The following GRK2 variants were observed in gnomAD, a reference collection of about 807,000 sequenced individuals.
GRK2 encodes G protein-coupled receptor kinase 2, also known as adrenergic beta receptor kinase 1.
In GRK2, 23 loss-of-function variants were observed where a neutral mutation model predicts 97.8. The observed-to-expected ratio is 0.24, with a 90% CI of 0.17 to 0.33. The LOEUF (loss-of-function observed/expected upper bound fraction) is 0.33, where lower values mean the gene tolerates loss of function less well. Ranked by LOEUF, GRK2 falls within the 10% of genes least tolerant of loss-of-function variation. GRK2 has a pLI of 1.00. For synonymous variants in GRK2, 425 were observed against 381.7 expected (o/e 1.11, Z -1.32); for missense variants, 633 against 956.9 (o/e 0.66, Z 4.47).
Position 67,285,534 on chromosome 11 carries a change from A to G in GRK2, c.*84A>G, listed in dbSNP as rs1590857117. 7.1e-7 allele frequency: 1 copy of G among 1,418,298 alleles called. No homozygotes were observed. The highest frequency in any genetic ancestry group is 1.5e-5 in the South Asian group (1 of 67,448). 87.9% of individuals were successfully genotyped at this position (1,418,298 alleles called of 1,614,324 possible). On this transcript the variant is annotated 3_prime_UTR_variant, in exon 21 of 21. Transcript: ENST00000308595. ...TTTCCCGCCAAGCGGAAAAGGTTTT[A>G]TTTTGTAATTATTGTGATTTCCCGT...
chr11:67,281,355 TCA>T lies in GRK2; in HGVS notation c.648-100_648-99del. The T allele has an allele frequency of 8.4e-7, 1 of 1,194,388 alleles. No individual in the cohort carries two copies. Among genetic ancestry groups the T allele is most frequent in the Non-Finnish European group, 1.2e-6 (1 of 821,946 alleles). The allele number at this position is 1,194,388 out of a possible 1,614,324, so 74.0% of individuals were successfully genotyped here. A position where few individuals can be genotyped will look rare whatever the true frequency, so the allele number is the denominator to read the frequency against. ...CAGCCCTCCCTGTCTCTGATTTGTG[TCA>T]CACGCTGGTCCTGGGTCTAGTCTTT... On this transcript the variant is annotated intron_variant, in intron 8 of 20. Coordinates refer to ENST00000308595, the MANE Select transcript of GRK2 (RefSeq NM_001619.5). This position sits in a 1 kb window ranked among gnomAD's most constrained non-coding sequence, Gnocchi z 5.7.
intron 3 of GRK2, 48 bp downstream of exon 3, chr11:67,279,321 A>G: frequency 6.2e-7 from 1 of 1,609,914 alleles, no homozygotes; most frequent in South Asian, 1.1e-5. Context: ...AAAGGGGAGG[A>G]GGTTGGGGCG....
rs1446453710 is a variant in GRK2, at chr11:67,282,927, C to T, written c.1227+109C>T. On this transcript the variant is annotated intron_variant, in intron 14 of 20. Coordinates refer to ENST00000308595, the MANE Select transcript of GRK2 (RefSeq NM_001619.5). The surrounding 1 kb of genome is among the most constrained non-coding windows in gnomAD (Gnocchi z 6.9). ...GCCAGCAGAGATCTGGGCCACTGAC[C>T]CCTACTCTGGCCTCTGAGACAGACC... The T allele has an allele frequency of 2.1e-5, 28 of 1,302,438 alleles. No individual in the cohort carries two copies. The highest frequency in any genetic ancestry group is 2.7e-5 in the Non-Finnish European group (25 of 933,862). 80.7% of individuals were successfully genotyped at this position (1,302,438 alleles called of 1,614,324 possible).
rs969269452 is a variant in GRK2 at position 67,282,154 on chromosome 11, T to A, written c.958-117T>A. 19 of 1,228,400 alleles carry A rather than the reference T, an allele frequency of 1.5e-5. No individual in the cohort carries two copies. The African/African-American group carries it at 2.4e-4, about 16-fold the overall frequency. 76.1% of individuals were successfully genotyped at this position (1,228,400 alleles called of 1,614,324 possible). On this transcript the variant is annotated intron_variant, in intron 11 of 20. Coordinates refer to ENST00000308595, the MANE Select transcript of GRK2 (RefSeq NM_001619.5). The surrounding 1 kb of genome is among the most constrained non-coding windows in gnomAD (Gnocchi z 6.9). ...GGACAGGAGAGAGGACCCCCACCTTTGCCCTTTCTTTGGGTACCCATCGTC... is the reference window on the plus strand; with the variant it reads ...GGACAGGAGAGAGGACCCCCACCTTAGCCCTTTCTTTGGGTACCCATCGTC...
At chr11:67,277,186 CCACAGTGCCCTCAG>C in intron 1 of GRK2, 72 bp from the exon 2 acceptor site, 2 of 1,342,880 alleles carry the variant, frequency 1.5e-6, no homozygotes, top group Non-Finnish European at 2.1e-6. Context: ...GGCGACACCA[CCACAGTGCCCTCAG>C]CTCGCGTTTC....
chr11:67,268,957 C>T (rs565793493), intron 1 of GRK2, among the ~76,000 whole-genome samples: 1 of 152,340 alleles, frequency 6.6e-6, no homozygotes, highest in East Asian at 1.9e-4. Context: ...CCGAGCCAGG[C>T]AGCCCAGGTT....
intron 1 of GRK2, among the ~76,000 whole-genome samples, chr11:67,268,192 C>T (rs979652634): frequency 6.6e-6 from 1 of 152,208 alleles, no homozygotes; most frequent in Non-Finnish European, 1.5e-5. Context: ...GTCCCTCAGC[C>T]TTTGAAGCAG....
In GRK2 at chr11:67,281,380, T is replaced by G; in HGVS notation, c.648-79T>G. 7.3e-7 allele frequency: 1 copy of G among 1,375,974 alleles called. No individual in the cohort carries two copies. The highest frequency in any genetic ancestry group is 1.0e-6 in the Non-Finnish European group (1 of 973,088). 85.2% of individuals were successfully genotyped at this position (1,375,974 alleles called of 1,614,324 possible). A position where few individuals can be genotyped will look rare whatever the true frequency, so the allele number is the denominator to read the frequency against. On this transcript the variant is annotated intron_variant, in intron 8 of 20. Coordinates refer to ENST00000308595, the MANE Select transcript of GRK2 (RefSeq NM_001619.5). This position sits in a 1 kb window ranked among gnomAD's most constrained non-coding sequence, Gnocchi z 5.7. Reference sequence around the variant, plus strand: ...TCACACGCTGGTCCTGGGTCTAGTCTTTCCCTCAAGCGCCCCCTGAGGCAG... The same window carrying G: ...TCACACGCTGGTCCTGGGTCTAGTCGTTCCCTCAAGCGCCCCCTGAGGCAG...
At chr11:67,284,618 C>T (rs1359317179) in intron 18 of GRK2, 2 of 724,142 alleles carry the variant, frequency 2.8e-6, no homozygotes, top group African/African-American at 3.6e-5. Context: ...AACCCTGTCT[C>T]TACCAAAAAA....
In GRK2 at chr11:67,279,653, G is replaced by A; in HGVS notation, c.394G>A (p.Val132Ile). The A allele has an allele frequency of 6.2e-7, 1 of 1,613,604 alleles. No individual in the cohort carries two copies. Among genetic ancestry groups the A allele is most frequent in the Non-Finnish European group, 8.5e-7 (1 of 1,180,000 alleles). ...CTTCTCGAAGAGTGCCACTGAGCAT[G>A]TCCAAGGCCACCTGGGGAAGAAGCA... ...HPFSKSATEH[V>I]QGHLGKKQVP... The change falls in exon 5 of 21, where the codon GTC becomes ATC. Residue 132 changes from valine to isoleucine, a missense_variant. Coordinates refer to ENST00000308595, the MANE Select transcript of GRK2 (RefSeq NM_001619.5).
rs539368367 is a variant in GRK2 at position 67,281,021 on chromosome 11, C to G, written c.556-72C>G. The G allele has an allele frequency of 1.3e-4, 174 of 1,385,872 alleles. No individual in the cohort carries two copies. The African/African-American group carries it at 2.3e-3, about 19-fold the overall frequency. 85.8% of individuals were successfully genotyped at this position (1,385,872 alleles called of 1,614,324 possible). On this transcript the variant is annotated intron_variant, in intron 7 of 20. Coordinates refer to ENST00000308595, the MANE Select transcript of GRK2 (RefSeq NM_001619.5). The surrounding 1 kb of genome is among the most constrained non-coding windows in gnomAD (Gnocchi z 5.7). ...GACCCTGGCATGGGGCCAGCCCCTG[C>G]TGCCCAGGTGCCTCTGCCCCAGGGC...
At position 67,281,583 on chromosome 11, in the gene GRK2, G is replaced by T. The variant is rs374189744; in HGVS notation, c.747+25G>T. On this transcript the variant is annotated intron_variant, in intron 9 of 20. Coordinates refer to ENST00000308595, the MANE Select transcript of GRK2 (RefSeq NM_001619.5). This position sits in a 1 kb window ranked among gnomAD's most constrained non-coding sequence, Gnocchi z 5.7. ...GGTGAGCTGGGTGGGCCGGGCTGCCGCTGAGGCTCTGGAACCCCGGGCGCC... is the reference window on the plus strand; with the variant it reads ...GGTGAGCTGGGTGGGCCGGGCTGCCTCTGAGGCTCTGGAACCCCGGGCGCC... 5 of 1,611,822 alleles carry T rather than the reference G, an allele frequency of 3.1e-6. No individual in the cohort carries two copies. The highest frequency in any genetic ancestry group is 3.4e-6 in the Non-Finnish European group (4 of 1,178,662).
Position 67,266,651 on chromosome 11 carries a change from AGCG to A in GRK2, c.-26_-24del, listed in dbSNP as rs759489796. ...CCGGGCCGAGCGCCGAGCGAGCAGGAGCGGCGGCGGCGGCGGCGGCGGCGGGAG... is the reference window on the plus strand; with the variant it reads ...CCGGGCCGAGCGCCGAGCGAGCAGGAGCGGCGGCGGCGGCGGCGGCGGGAG... On this transcript the variant is annotated 5_prime_UTR_variant, in exon 1 of 21. Transcript: ENST00000308595. The A allele has an allele frequency of 0.011, 8,870 of 837,886 alleles. No individual in the cohort carries two copies. Among genetic ancestry groups the A allele is most frequent in the South Asian group, 0.014 (288 of 20,668 alleles). 51.9% of individuals were successfully genotyped at this position (837,886 alleles called of 1,614,324 possible).
chr11:67,270,443 C>G (rs1859882509), intron 1 of GRK2, among the ~76,000 whole-genome samples: 1 of 152,076 alleles, frequency 6.6e-6, no homozygotes, highest in Non-Finnish European at 1.5e-5. Context: ...CCCTGTCTCC[C>G]CAGACCCTGC....
At chr11:67,285,042 T>C in intron 19 of GRK2, 33 bp from the exon 20 acceptor site, 1 of 1,612,530 alleles carries the variant, frequency 6.2e-7, no homozygotes, top group Non-Finnish European at 8.5e-7. Context: ...CCGGCCCGGC[T>C]CTTACCTGCA....
intron 1 of GRK2, among the ~76,000 whole-genome samples, chr11:67,273,831 C>A (rs2136492673): frequency 6.6e-6 from 1 of 152,210 alleles, no homozygotes; most frequent in African/African-American, 2.4e-5. Flanking sequence ...TGTTCCCAGG[C>A]CGGGGCTGAC....
rs2136487889 is a variant in GRK2, at chr11:67,269,322, C to G, written c.113+2510C>G. Among the ~76,000 whole-genome samples the G allele has an allele frequency of 6.6e-6, 1 of 152,344 alleles. No individual in the cohort carries two copies. Among genetic ancestry groups the G allele is most frequent in the South Asian group, 2.1e-4 (1 of 4,828 alleles). On this transcript the variant is annotated intron_variant, in intron 1 of 20. Coordinates refer to ENST00000308595, the MANE Select transcript of GRK2 (RefSeq NM_001619.5). The surrounding 1 kb of genome is among the most constrained non-coding windows in gnomAD (Gnocchi z 4.1). ...CAGGCCCAGCAGTTAGGATTCTCCC[C>G]TTTAGCAGTTGAAGTTATTGAGGCT...
At chr11:67,268,589 G>A (rs1207642657) in intron 1 of GRK2, among the ~76,000 whole-genome samples, 1 of 152,112 alleles carries the variant, frequency 6.6e-6, no homozygotes, top group Non-Finnish European at 1.5e-5. Context: ...TGTGAGGCGG[G>A]GCCTTTTCTG....
chr11:67,269,533 G>A lies in GRK2; in HGVS notation c.113+2721G>A, dbSNP rs1414417373. On this transcript the variant is annotated intron_variant, in intron 1 of 20. Coordinates refer to ENST00000308595, the MANE Select transcript of GRK2 (RefSeq NM_001619.5). The surrounding 1 kb of genome is among the most constrained non-coding windows in gnomAD (Gnocchi z 4.1). ...GGCTGACTGGCACCCCTTGTCTGGG[G>A]CCATCGGCTGTCACAGTTCACAAGG... Among the ~76,000 whole-genome samples the A allele has an allele frequency of 1.3e-5, 2 of 152,186 alleles. No individual in the cohort carries two copies.
Sources: gnomAD v4.1 joint callset for allele counts (sites outside exome capture counted in the v4.1 genomes callset) on GRCh38, gnomAD v4.1.1 for gene constraint, Gnocchi (gnomAD v3.1) non-coding constraint, MANE v1.5 for transcripts, NCBI Gene and HGNC (gene_info 2026-07-23, HGNC 2026-07-21) for gene names.